Variants in C1GALT1 observed in about 807,000 individuals in gnomAD.
C1GALT1 encodes core 1 synthase, glycoprotein-N-acetylgalactosamine 3-beta-galactosyltransferase 1, also known as glycoprotein-N-acetylgalactosamine 3-beta-galactosyltransferase 1.
Under a neutral mutation model 31.0 loss-of-function variants are expected in C1GALT1, and 11 were observed. The ratio of observed to expected loss-of-function variants is 0.36; its 90% CI spans 0.22 to 0.59. The LOEUF (loss-of-function observed/expected upper bound fraction) is 0.59. C1GALT1 is among the 20% of genes least tolerant of loss of function. The pLI is 0.79. For synonymous variants in C1GALT1, 175 were observed against 143.6 expected, an observed-to-expected ratio of 1.22 and a Z score of -1.56; for missense variants, 424 against 425.2, an observed-to-expected ratio of 1.00 and a Z score of 0.03.
chr7:7,187,558 A>G (rs1404825614), intron 1 of C1GALT1, among the ~76,000 whole-genome samples: 1 of 152,192 alleles, frequency 6.6e-6, no homozygotes, highest in African/African-American at 2.4e-5. Flanking sequence ...TGTCACAACT[A>G]GGGGGAATAC....
At chr7:7,236,417 C>T (rs1034345736) in intron 2 of C1GALT1, among the ~76,000 whole-genome samples, 1 of 152,162 alleles carries the variant, frequency 6.6e-6, no homozygotes, top group Non-Finnish European at 1.5e-5. Context: ...TTGGGCTCCT[C>T]AAGGATATGA....
At chr7:7,158,975 G>A (rs922150055) in intron 2 of C1GALT1, among the ~76,000 whole-genome samples, 3 of 152,056 alleles carry the variant, frequency 2.0e-5, no homozygotes, top group Non-Finnish European at 2.9e-5. Flanking sequence ...ATCTGAGGGC[G>A]GTCATAAACT....
At chr7:7,173,194 G>T (rs965019963) in intron 2 of C1GALT1, among the ~76,000 whole-genome samples, 1 of 152,040 alleles carries the variant, frequency 6.6e-6, no homozygotes, top group Non-Finnish European at 1.5e-5. Flanking sequence ...TAATAAGTGA[G>T]TTCTTGCTCT....
chr7:7,215,193 C>T (rs1206726233), intron 1 of C1GALT1, among the ~76,000 whole-genome samples: 3 of 152,184 alleles, frequency 2.0e-5, no homozygotes, highest in African/African-American at 7.2e-5. Context: ...GCTGGGCTGG[C>T]TTGAACAGCA....
rs1011630918 is a variant in C1GALT1 at position 7,244,545 on chromosome 7, A to T, written c.*818A>T. 2.0e-5 allele frequency: 3 copies of T among 152,166 alleles called. No homozygotes were observed. Among genetic ancestry groups the T allele is most frequent in the African/African-American group, 7.2e-5 (3 of 41,446 alleles). 9.4% of individuals were successfully genotyped at this position (152,166 alleles called of 1,614,324 possible). On this transcript the variant is annotated 3_prime_UTR_variant, in exon 4 of 4. Coordinates refer to ENST00000436587, the MANE Select transcript of C1GALT1 (RefSeq NM_020156.5). ...TTGTTCCCAAATTTGCCCATTGTTC[A>T]TTATGGGTAACTAATAATAAATTTA...
At chr7:7,182,482 C>T (rs1230644142), upstream of C1GALT1, 1 of 152,324 alleles carries the variant, frequency 6.6e-6, no homozygotes. Flanking sequence ...CGTATCCCCG[C>T]CCACCGCCCC....
chr7:7,236,398 G>A (rs1414694810), intron 2 of C1GALT1, among the ~76,000 whole-genome samples: 2 of 152,172 alleles, frequency 1.3e-5, no homozygotes, highest in African/African-American at 4.8e-5. Flanking sequence ...TATTTGTATA[G>A]CCAAGAGATT....
At chr7:7,162,079 CT>C (rs777983973) in intron 2 of C1GALT1, among the ~76,000 whole-genome samples, 13 of 144,962 alleles carry the variant, frequency 9.0e-5, no homozygotes, top group East Asian at 2.0e-4. Context: ...TTTTTTTTTT[CT>C]TTTTTTTTAT....
intron 2 of C1GALT1, among the ~76,000 whole-genome samples, chr7:7,168,863 T>A (rs184084786): frequency 2.0e-5 from 3 of 152,348 alleles, no homozygotes. Flanking sequence ...TTTTTTATTA[T>A]GATAACATAT....
At chr7:7,161,829 C>G (rs1376129355) in intron 2 of C1GALT1, among the ~76,000 whole-genome samples, 1 of 152,000 alleles carries the variant, frequency 6.6e-6, no homozygotes, top group African/African-American at 2.4e-5. Context: ...TTCAAGTATC[C>G]TTAAAATATG....
intron 1 of C1GALT1, among the ~76,000 whole-genome samples, chr7:7,211,159 T>G (rs1781987026): frequency 6.6e-6 from 1 of 152,138 alleles, no homozygotes; most frequent in Non-Finnish European, 1.5e-5. Flanking sequence ...GGAGATTGAT[T>G]GCTTCTAGGT....
intron 1 of C1GALT1, among the ~76,000 whole-genome samples, chr7:7,191,423 T>G (rs1181950583): frequency 6.6e-6 from 1 of 152,194 alleles, no homozygotes; most frequent in Non-Finnish European, 1.5e-5. Flanking sequence ...TTAGCTCTTG[T>G]GAATACTGCT....
chr7:7,231,901 G>A (rs1333593431), intron 1 of C1GALT1, among the ~76,000 whole-genome samples: 1 of 152,162 alleles, frequency 6.6e-6, no homozygotes, highest in African/African-American at 2.4e-5. Flanking sequence ...TGGCTGAGAT[G>A]ACTCTAACGT....
chr7:7,191,848 T>C (rs1248232563), intron 1 of C1GALT1, among the ~76,000 whole-genome samples: 2 of 152,054 alleles, frequency 1.3e-5, no homozygotes, highest in Non-Finnish European at 2.9e-5. Flanking sequence ...TTTTAGGAAT[T>C]TTCTATATAT....
In C1GALT1 at chr7:7,240,566, T is replaced by C. The variant is rs76479565; in HGVS notation, c.888+1644T>C. ...ACCCAAATTCAAGAATATAAACATG[T>C]AGCAAATACATCCAAATGCATATAA... On this transcript the variant is annotated intron_variant, in intron 3 of 3. Coordinates refer to ENST00000436587, the MANE Select transcript of C1GALT1 (RefSeq NM_020156.5). Among the ~76,000 whole-genome samples the C allele has an allele frequency of 2.8e-3, 420 of 152,330 alleles. 3 individuals are homozygous for C. The highest frequency in any genetic ancestry group is 9.5e-3 in the African/African-American group (393 of 41,586).
chr7:7,220,915 T>G (rs528164666), intron 1 of C1GALT1, among the ~76,000 whole-genome samples: 2 of 152,352 alleles, frequency 1.3e-5, no homozygotes, highest in South Asian at 2.1e-4. Context: ...TCTCCACTGC[T>G]TTTTAGCTTT....
At chr7:7,174,335 T>C (rs971826525) in intron 2 of C1GALT1, among the ~76,000 whole-genome samples, 1 of 152,238 alleles carries the variant, frequency 6.6e-6, no homozygotes, top group Non-Finnish European at 1.5e-5. Flanking sequence ...AACATTCAAA[T>C]GCAGGTTTTT....
chr7:7,245,848 T>TA lies in C1GALT1; in HGVS notation c.*2122dup, dbSNP rs1233430893. 1.3e-5 allele frequency: 2 copies of TA among 152,104 alleles called. No homozygotes were observed. Among genetic ancestry groups the TA allele is most frequent in the Admixed American group, 6.5e-5 (1 of 15,276 alleles). 9.4% of individuals were successfully genotyped at this position (152,104 alleles called of 1,614,324 possible). A position where few individuals can be genotyped will look rare whatever the true frequency, so the allele number is the denominator to read the frequency against. On this transcript the variant is annotated 3_prime_UTR_variant, in exon 4 of 4. Coordinates refer to ENST00000436587, the MANE Select transcript of C1GALT1 (RefSeq NM_020156.5). ...GGGTTTAAATTCTTGCTCTAACACT[T>TA]ACTGTTTTTGTAACCTTGAGCAATT...
At chr7:7,242,047 T>C (rs1484015134) in intron 3 of C1GALT1, among the ~76,000 whole-genome samples, 1 of 151,974 alleles carries the variant, frequency 6.6e-6, no homozygotes, top group Non-Finnish European at 1.5e-5. Flanking sequence ...AGCCACTAAG[T>C]ATGTGTGGTT....
Sources: allele counts gnomAD v4.1 joint callset (sites outside exome capture counted in the v4.1 genomes callset), GRCh38; gene constraint gnomAD v4.1.1; transcripts MANE v1.5; gene names NCBI Gene and HGNC (gene_info 2026-07-23, HGNC 2026-07-21).